The following S100Z variants were observed in gnomAD, a reference collection of about 807,000 sequenced individuals.
S100Z encodes S100 calcium binding protein Z.
S100Z carries 11 observed loss-of-function variants against 8.5 expected under a neutral mutation model. That is an observed-to-expected ratio of 1.30 (90% CI 0.82 to 2.15). The LOEUF (loss-of-function observed/expected upper bound fraction) is 2.15. Ranked by LOEUF, S100Z falls within the 30% of genes most tolerant of loss-of-function variation. S100Z has a pLI of 0.00. For missense variants in S100Z, 126 were observed against 117.9 expected (o/e 1.07, Z -0.32); for synonymous variants, 34 against 43.8 (o/e 0.78, Z 0.89).
the S100Z span, chr5:76,952,886 C>T: frequency 1.9e-6 from 1 of 526,194 alleles, no homozygotes; most frequent in South Asian, 2.6e-5. Context: ...TGCTGGGCCA[C>T]GCTGAAAATT....
rs1216195049 is a variant in S100Z at position 76,915,435 on chromosome 5, C to G, written c.*3-5282C>G. Among the ~76,000 whole-genome samples the G allele has an allele frequency of 4.0e-5, 6 of 151,610 alleles. No individual in the cohort carries two copies. In the East Asian group the frequency reaches 1.2e-3, roughly 30 times the overall value. On this transcript the variant is annotated intron_variant, in intron 4 of 4. Coordinates refer to ENST00000317593, the MANE Select transcript of S100Z (RefSeq NM_130772.4). The stretch of plus-strand genomic sequence containing the variant: ...TGGCCAACATGGTGAAACCCCCTCT[C>G]CACTAAAAAAAATACAAAAAAAATT...
chr5:76,927,836 C>T, the S100Z span, among the ~76,000 whole-genome samples: 29 of 152,272 alleles, frequency 1.9e-4, no homozygotes, highest in South Asian at 6.2e-4. Flanking sequence ...TTAGTATCCT[C>T]ATTTCGTAGA....
chr5:76,884,770 A>T (rs1743541684), intron 4 of S100Z, among the ~76,000 whole-genome samples: 1 of 152,124 alleles, frequency 6.6e-6, no homozygotes, highest in South Asian at 2.1e-4. Flanking sequence ...GCGGAAGCAG[A>T]GGCTGAGGAA....
the S100Z span, among the ~76,000 whole-genome samples, chr5:76,937,384 C>T: frequency 6.6e-6 from 1 of 151,610 alleles, no homozygotes; most frequent in Admixed American, 6.6e-5. Context: ...TATAATAATA[C>T]ATTTTATTAT....
At chr5:76,865,199 C>T (rs181107744) in intron 1 of S100Z, among the ~76,000 whole-genome samples, 58 of 151,552 alleles carry the variant, frequency 3.8e-4, no homozygotes, top group Admixed American at 3.6e-3. Flanking sequence ...GATTCTGACC[C>T]TGTGTAGGCC....
chr5:76,912,242 G>A (rs980371254), intron 4 of S100Z, among the ~76,000 whole-genome samples: 7 of 152,118 alleles, frequency 4.6e-5, no homozygotes, highest in East Asian at 1.9e-4. Context: ...TTGAGGGACC[G>A]GTGCTTCAAA....
intron 4 of S100Z, among the ~76,000 whole-genome samples, chr5:76,886,043 G>A (rs545160781): frequency 7.3e-5 from 11 of 151,638 alleles, no homozygotes; most frequent in South Asian, 4.2e-4. Flanking sequence ...GAGAGAAGGG[G>A]TGGGGAGTGC....
At chr5:76,850,316 A>G (rs1329410254) in intron 1 of S100Z, among the ~76,000 whole-genome samples, 161 bp downstream of exon 1, 2 of 72,118 alleles carry the variant, frequency 2.8e-5, no homozygotes, top group African/African-American at 6.0e-5. Context: ...CTTGGCCACA[A>G]AGGGGTCGGG....
At chr5:76,865,938 C>G (rs1289176800) in intron 1 of S100Z, among the ~76,000 whole-genome samples, 1 of 151,116 alleles carries the variant, frequency 6.6e-6, no homozygotes, top group Non-Finnish European at 1.5e-5. Flanking sequence ...TCACTTGAAC[C>G]CGGGAAGCAG....
intron 4 of S100Z, among the ~76,000 whole-genome samples, chr5:76,900,505 G>A (rs1033685752): frequency 1.3e-5 from 2 of 151,968 alleles, no homozygotes; most frequent in African/African-American, 4.8e-5. Context: ...GCTTAATTCT[G>A]CTATTAAAGG....
intron 2 of S100Z, among the ~76,000 whole-genome samples, chr5:76,873,655 C>T (rs1309307245): frequency 6.6e-6 from 1 of 152,082 alleles, no homozygotes; most frequent in African/African-American, 2.4e-5. Context: ...GGGAACCTTG[C>T]AGGGAGGTTG....
chr5:76,926,286 G>A (rs547020068), downstream of S100Z, among the ~76,000 whole-genome samples: 14 of 152,302 alleles, frequency 9.2e-5, no homozygotes, highest in African/African-American at 3.4e-4. Flanking sequence ...TTGGGGCAGT[G>A]TGATGCTGTA....
intron 4 of S100Z, among the ~76,000 whole-genome samples, chr5:76,893,429 G>A (rs1241632304): frequency 1.3e-5 from 2 of 152,020 alleles, no homozygotes; most frequent in East Asian, 3.9e-4. Flanking sequence ...TGTAGTCCCT[G>A]TTACTTGGGA....
At chr5:76,876,032 G>A (rs1443658245) in intron 3 of S100Z, among the ~76,000 whole-genome samples, 1 of 152,192 alleles carries the variant, frequency 6.6e-6, no homozygotes, top group Non-Finnish European at 1.5e-5. Flanking sequence ...GTAGCAAACA[G>A]ATTCATTTCT....
the S100Z span, among the ~76,000 whole-genome samples, chr5:76,942,563 G>C: frequency 6.6e-6 from 1 of 152,154 alleles, no homozygotes; most frequent in African/African-American, 2.4e-5. Flanking sequence ...ATTGAAAAAG[G>C]AGCAGGGTTT....
chr5:76,905,962 G>T (rs1744408881), intron 4 of S100Z, among the ~76,000 whole-genome samples: 1 of 152,118 alleles, frequency 6.6e-6, no homozygotes, highest in African/African-American at 2.4e-5. Context: ...CTGAGTAGCT[G>T]GGACTACAGG....
chr5:76,914,292 G>C (rs941081839), intron 4 of S100Z, among the ~76,000 whole-genome samples: 1 of 152,086 alleles, frequency 6.6e-6, no homozygotes, highest in Non-Finnish European at 1.5e-5. Flanking sequence ...TCTGGGCTGG[G>C]TGGGGACTTG....
At chr5:76,919,657 G>C (rs1267008370) in intron 4 of S100Z, among the ~76,000 whole-genome samples, 3 of 148,304 alleles carry the variant, frequency 2.0e-5, no homozygotes, top group South Asian at 2.1e-4. Flanking sequence ...TGTCACCCAG[G>C]CTGTAGGGTA....
intron 4 of S100Z, among the ~76,000 whole-genome samples, chr5:76,886,608 A>G (rs1457121067): frequency 6.6e-6 from 1 of 152,174 alleles, no homozygotes; most frequent in Non-Finnish European, 1.5e-5. Flanking sequence ...GTCCGTGTGA[A>G]GAGACCACCA....
Sources: gnomAD v4.1 joint callset for allele counts (sites outside exome capture counted in the v4.1 genomes callset) on GRCh38, gnomAD v4.1.1 for gene constraint, MANE v1.5 for transcripts, NCBI Gene and HGNC (gene_info 2026-07-23, HGNC 2026-07-21) for gene names.